Variants in KLF12 observed in about 807,000 individuals in gnomAD.
KLF12 encodes Krueppel-like factor 12.
A neutral mutation model predicts 37.8 loss-of-function variants in KLF12; 9 were observed. The observed-to-expected ratio is 0.24, with a 90% CI of 0.14 to 0.42. The LOEUF (loss-of-function observed/expected upper bound fraction) is 0.42. KLF12 is among the 10% of genes least tolerant of loss of function. The probability of loss-of-function intolerance (pLI) is 1.00; values close to 1 mark genes in which losing one functional copy is unlikely to be tolerated. For missense variants in KLF12, 411 were observed against 516.0 expected (o/e 0.80, Z 1.97); for synonymous variants, 208 against 202.1 (o/e 1.03, Z -0.25).
At chr13:74,029,806 T>C (rs1397819862) in intron 1 of KLF12, among the ~76,000 whole-genome samples, 1 of 152,076 alleles carries the variant, frequency 6.6e-6, no homozygotes, top group Non-Finnish European at 1.5e-5. Flanking sequence ...TTAAGTTTCA[T>C]AACTTAATCT....
the KLF12 span, among the ~76,000 whole-genome samples, chr13:74,298,430 C>T: frequency 6.6e-6 from 1 of 152,130 alleles, no homozygotes; most frequent in Non-Finnish European, 1.5e-5. Context: ...AAAAGTTGTT[C>T]TGCGTTTCAA....
chr13:73,745,005 C>G (rs763828372), intron 6 of KLF12, among the ~76,000 whole-genome samples: 3 of 152,100 alleles, frequency 2.0e-5, no homozygotes, highest in Non-Finnish European at 4.4e-5. Context: ...CTCTTTAGAC[C>G]AAGGCCTGCT....
At chr13:74,255,403 G>A in the KLF12 span, among the ~76,000 whole-genome samples, 1 of 152,158 alleles carries the variant, frequency 6.6e-6, no homozygotes. Flanking sequence ...TTTGCTGAGG[G>A]TATATAGCCT....
In KLF12 at chr13:73,944,332, T is replaced by C. The variant is rs1289286594; in HGVS notation, c.34-262A>G. Reference sequence around the variant, plus strand: ...GGTCAGACTGTAATAAACTGGAGTATGGAAACCTTACGTTAATTTATATGG... The same window carrying C: ...GGTCAGACTGTAATAAACTGGAGTACGGAAACCTTACGTTAATTTATATGG... On this transcript the variant is annotated intron_variant, in intron 2 of 7. Coordinates refer to ENST00000377669, the MANE Select transcript of KLF12 (RefSeq NM_007249.5). Among the ~76,000 whole-genome samples the C allele has an allele frequency of 3.9e-5, 6 of 152,190 alleles. No homozygotes were observed. In the South Asian group the frequency reaches 8.3e-4, roughly 21 times the overall value.
At chr13:73,701,793 C>T (rs1874576636) in intron 7 of KLF12, among the ~76,000 whole-genome samples, 3 of 152,096 alleles carry the variant, frequency 2.0e-5, no homozygotes, top group South Asian at 4.2e-4. Flanking sequence ...AAGGGATGGT[C>T]TCTATGTCCC....
the KLF12 span, among the ~76,000 whole-genome samples, chr13:74,268,214 C>T: frequency 1.3e-5 from 2 of 152,108 alleles, no homozygotes; most frequent in East Asian, 1.9e-4. Context: ...TCAATTTTTC[C>T]AGTAGAATTA....
the KLF12 span, among the ~76,000 whole-genome samples, chr13:74,263,915 T>G: frequency 1.3e-5 from 2 of 152,324 alleles, no homozygotes; most frequent in South Asian, 4.1e-4. Context: ...TTTGGGTGCT[T>G]TATAGCCAGG....
At position 73,707,603 on chromosome 13, in the gene KLF12, T is replaced by TG. The variant is rs570918136; in HGVS notation, c.1027+7764dup. 1.1e-3 allele frequency among the ~76,000 whole-genome samples: 166 copies of TG among 152,126 alleles called. 1 individual carries two copies. The East Asian group carries it at 0.016, about 15-fold the overall frequency. ...TGCTTTATCTAACAAGGAACCTAGA[T>TG]GGGGGGGTCTGAAATGGAGCTTTAT... On this transcript the variant is annotated intron_variant, in intron 7 of 7. Coordinates refer to ENST00000377669, the MANE Select transcript of KLF12 (RefSeq NM_007249.5).
chr13:73,813,077 A>C, intron 5 of KLF12, 75 bp downstream of exon 5: 4 of 1,490,804 alleles, frequency 2.7e-6, no homozygotes, highest in Non-Finnish European at 3.7e-6. Context: ...GCTGGGGGAC[A>C]GGAGATGCTG....
At chr13:74,014,232 G>A (rs753676970) in intron 1 of KLF12, among the ~76,000 whole-genome samples, 1 of 152,194 alleles carries the variant, frequency 6.6e-6, no homozygotes, top group Non-Finnish European at 1.5e-5. Flanking sequence ...TATTTCAGCA[G>A]TTGAGGCACA....
At chr13:73,729,726 T>C (rs1310169452) in intron 6 of KLF12, among the ~76,000 whole-genome samples, 1 of 152,204 alleles carries the variant, frequency 6.6e-6, no homozygotes, top group Non-Finnish European at 1.5e-5. Context: ...ATGAGAGTAG[T>C]AGATTAGTAG....
the KLF12 span, among the ~76,000 whole-genome samples, chr13:74,142,779 G>T: frequency 6.6e-6 from 1 of 152,066 alleles, no homozygotes; most frequent in Non-Finnish European, 1.5e-5. Flanking sequence ...ATAATCTAAA[G>T]GAATATATAC....
intron 7 of KLF12, among the ~76,000 whole-genome samples, chr13:73,714,697 G>A (rs970799268): frequency 6.6e-6 from 1 of 152,176 alleles, no homozygotes; most frequent in Non-Finnish European, 1.5e-5. Flanking sequence ...GATGCCAGCT[G>A]AGGGACACAG....
chr13:73,911,485 A>G (rs1024604585), intron 3 of KLF12, among the ~76,000 whole-genome samples: 8 of 152,236 alleles, frequency 5.3e-5, no homozygotes, highest in African/African-American at 1.9e-4. Context: ...AGCAAAATTC[A>G]TGGCTTCAGT....
intron 1 of KLF12, among the ~76,000 whole-genome samples, chr13:74,053,790 T>G (rs535754861): frequency 2.0e-5 from 3 of 152,304 alleles, no homozygotes; most frequent in South Asian, 2.1e-4. Context: ...TAAAATTATA[T>G]CAGTACATTG....
chr13:73,823,991 T>C (rs1883687302), intron 4 of KLF12, among the ~76,000 whole-genome samples: 1 of 152,152 alleles, frequency 6.6e-6, no homozygotes, highest in African/African-American at 2.4e-5. Context: ...GTTACAGGCA[T>C]GAGCCACCGC....
At chr13:73,863,695 T>C (rs1437289061) in intron 3 of KLF12, among the ~76,000 whole-genome samples, 1 of 152,152 alleles carries the variant, frequency 6.6e-6, no homozygotes, top group African/African-American at 2.4e-5. Flanking sequence ...TATTAGAATA[T>C]GTTCATCTGG....
chr13:74,211,925 A>G, the KLF12 span, among the ~76,000 whole-genome samples: 1 of 152,218 alleles, frequency 6.6e-6, no homozygotes, highest in African/African-American at 2.4e-5. Context: ...ATCTTTTGAT[A>G]TAAGTCAAGG....
chr13:74,204,683 A>C, the KLF12 span, among the ~76,000 whole-genome samples: 2 of 152,110 alleles, frequency 1.3e-5, no homozygotes, highest in East Asian at 1.9e-4. Flanking sequence ...AGATCTAAAA[A>C]CATGTTGAAG....
Sources: gnomAD v4.1 joint callset for allele counts (sites outside exome capture counted in the v4.1 genomes callset) on GRCh38, gnomAD v4.1.1 for gene constraint, MANE v1.5 for transcripts, NCBI Gene and HGNC (gene_info 2026-07-23, HGNC 2026-07-21) for gene names.